Variants in CCSER1 observed in about 807,000 individuals in gnomAD.
The protein encoded by CCSER1 is coiled-coil serine rich protein 1, also known as serine-rich coiled-coil domain-containing protein 1.
Under a neutral mutation model 82.0 loss-of-function variants are expected in CCSER1, and 41 were observed. That is an observed-to-expected ratio of 0.50 (90% CI 0.39 to 0.65). The LOEUF (loss-of-function observed/expected upper bound fraction) is 0.65, where lower values mean the gene tolerates loss of function less well. CCSER1 is among the 30% of genes least tolerant of loss of function. The pLI, the probability that CCSER1 is intolerant of heterozygous loss-of-function variation, is 0.00. For missense variants in CCSER1, 1,119 were observed against 1,064.2 expected, an observed-to-expected ratio of 1.05 and a Z score of -0.72; for synonymous variants, 414 against 383.9, an observed-to-expected ratio of 1.08 and a Z score of -0.92.
At chr4:90,330,357 T>C (rs1019483893) in intron 3 of CCSER1, among the ~76,000 whole-genome samples, 1 of 152,212 alleles carries the variant, frequency 6.6e-6, no homozygotes, top group African/African-American at 2.4e-5. Flanking sequence ...GTAAGATTTA[T>C]GTTCCAAAGT....
intron 10 of CCSER1, among the ~76,000 whole-genome samples, chr4:91,536,400 A>C (rs1190981889): frequency 1.3e-5 from 2 of 152,126 alleles, no homozygotes; most frequent in African/African-American, 4.8e-5. Flanking sequence ...ATAGGCAGAC[A>C]AATATAAGAA....
chr4:91,047,597 T>A (rs1479821709), intron 9 of CCSER1, among the ~76,000 whole-genome samples: 1 of 152,218 alleles, frequency 6.6e-6, no homozygotes, highest in Non-Finnish European at 1.5e-5. Flanking sequence ...TATGTGATTC[T>A]ACTGCTGCTC....
At chr4:90,457,221 T>A (rs1211957010) in intron 4 of CCSER1, among the ~76,000 whole-genome samples, 1 of 152,150 alleles carries the variant, frequency 6.6e-6, no homozygotes, top group Non-Finnish European at 1.5e-5. Context: ...CCCAGCAGCT[T>A]GGAGATCCCA....
At chr4:91,409,794 T>G (rs1752921458) in intron 10 of CCSER1, among the ~76,000 whole-genome samples, 1 of 152,198 alleles carries the variant, frequency 6.6e-6, no homozygotes, top group Admixed American at 6.6e-5. Flanking sequence ...GCGATTCTCC[T>G]GCCTCAGCCT....
chr4:91,293,143 A>T (rs1240665335), intron 10 of CCSER1, among the ~76,000 whole-genome samples: 1 of 151,950 alleles, frequency 6.6e-6, no homozygotes, highest in Non-Finnish European at 1.5e-5. Context: ...ATGCACTGAG[A>T]TCAGATTTCA....
intron 9 of CCSER1, among the ~76,000 whole-genome samples, chr4:90,960,605 G>C (rs80220325): frequency 5.5e-4 from 84 of 152,222 alleles, no homozygotes; most frequent in Non-Finnish European, 9.1e-4. Context: ...TTCTTCCAGT[G>C]TCACTTCTCT....
chr4:90,282,710 A>G (rs1380578627), intron 1 of CCSER1, among the ~76,000 whole-genome samples: 1 of 151,982 alleles, frequency 6.6e-6, no homozygotes, highest in Non-Finnish European at 1.5e-5. Flanking sequence ...AAAGAAAGTC[A>G]TATACATATA....
chr4:90,289,724 G>A lies in CCSER1; in HGVS notation c.-41-18520G>A, dbSNP rs533880900. On this transcript the variant is annotated intron_variant, in intron 1 of 10. Transcript: ENST00000509176. ...CAAGAATTTGATGTCTTAAACTCTTGACTAAATTAAAAAGGTTAAAACACT... is the reference window on the plus strand; with the variant it reads ...CAAGAATTTGATGTCTTAAACTCTTAACTAAATTAAAAAGGTTAAAACACT... 4.6e-5 allele frequency among the ~76,000 whole-genome samples: 7 copies of A among 151,916 alleles called. No individual in the cohort carries two copies. In the East Asian group the frequency reaches 1.4e-3, roughly 30 times the overall value.
intron 10 of CCSER1, among the ~76,000 whole-genome samples, chr4:91,431,421 C>G (rs538039724): frequency 6.6e-6 from 1 of 152,264 alleles, no homozygotes; most frequent in East Asian, 1.9e-4. Flanking sequence ...AGGTATACTT[C>G]TAAAGAGAGT....
chr4:90,722,611 T>C (rs1312574844), intron 6 of CCSER1, among the ~76,000 whole-genome samples: 2 of 151,890 alleles, frequency 1.3e-5, no homozygotes, highest in Non-Finnish European at 2.9e-5. Flanking sequence ...CTACTTCCTT[T>C]AGTAGATTAT....
chr4:91,432,776 A>G (rs1331499349), intron 10 of CCSER1, among the ~76,000 whole-genome samples: 1 of 152,174 alleles, frequency 6.6e-6, no homozygotes, highest in Non-Finnish European at 1.5e-5. Flanking sequence ...AGCTCTTTGT[A>G]GTAATAGAAC....
intron 8 of CCSER1, among the ~76,000 whole-genome samples, chr4:90,877,290 T>G (rs1000967270): frequency 6.6e-6 from 1 of 152,128 alleles, no homozygotes; most frequent in Non-Finnish European, 1.5e-5. Flanking sequence ...TTATCTTGTT[T>G]TTTCTTAACT....
intron 6 of CCSER1, among the ~76,000 whole-genome samples, chr4:90,698,351 C>T (rs1381275271): frequency 6.6e-6 from 1 of 152,018 alleles, no homozygotes; most frequent in Non-Finnish European, 1.5e-5. Flanking sequence ...AGAGAACTGA[C>T]ATCTAGGTGT....
At chr4:91,272,131 T>G (rs1742082910) in intron 10 of CCSER1, among the ~76,000 whole-genome samples, 1 of 152,186 alleles carries the variant, frequency 6.6e-6, no homozygotes, top group African/African-American at 2.4e-5. Context: ...TAGCCAATAC[T>G]GGGATCAAAT....
At chr4:90,223,575 C>T (rs1742581910) in intron 1 of CCSER1, among the ~76,000 whole-genome samples, 1 of 152,042 alleles carries the variant, frequency 6.6e-6, no homozygotes, top group East Asian at 1.9e-4. Context: ...TCAAGGGTGT[C>T]CCAAGTGAGA....
At chr4:91,066,024 C>T (rs773951636) in intron 9 of CCSER1, among the ~76,000 whole-genome samples, 11 of 151,998 alleles carry the variant, frequency 7.2e-5, no homozygotes, top group South Asian at 2.1e-4. Flanking sequence ...ATTTTCTTTG[C>T]GTTTTATACC....
intron 4 of CCSER1, among the ~76,000 whole-genome samples, chr4:90,440,529 A>G (rs1163727063): frequency 6.6e-6 from 1 of 152,184 alleles, no homozygotes; most frequent in African/African-American, 2.4e-5. Context: ...TGGCTACAAG[A>G]ATCAATAGCA....
intron 6 of CCSER1, among the ~76,000 whole-genome samples, chr4:90,641,035 T>A (rs1366506167): frequency 2.0e-5 from 3 of 152,138 alleles, no homozygotes; most frequent in Non-Finnish European, 4.4e-5. Context: ...TCCGTGGAAA[T>A]CTGGTCTCTT....
At chr4:91,328,975 G>A (rs1373503200) in intron 10 of CCSER1, among the ~76,000 whole-genome samples, 1 of 150,352 alleles carries the variant, frequency 6.7e-6, no homozygotes, top group Non-Finnish European at 1.5e-5. Context: ...CGCCATGTAA[G>A]ATGTGACTTT....
Sources: allele counts gnomAD v4.1 joint callset (sites outside exome capture counted in the v4.1 genomes callset), GRCh38; gene constraint gnomAD v4.1.1; transcripts MANE v1.5; gene names NCBI Gene and HGNC (gene_info 2026-07-23, HGNC 2026-07-21).